Variants in AVL9 observed in about 807,000 individuals in gnomAD.
The protein encoded by AVL9 is late secretory pathway protein AVL9 homolog.
A neutral mutation model predicts 79.2 loss-of-function variants in AVL9; 49 were observed. That is an observed-to-expected ratio of 0.62 (90% CI 0.49 to 0.79). AVL9 has a LOEUF of 0.79. AVL9 is among the 30% of genes least tolerant of loss of function. The pLI is 0.00. For missense variants in AVL9, 682 were observed against 776.8 expected, an observed-to-expected ratio of 0.88 and a Z score of 1.45; for synonymous variants, 299 against 280.6, an observed-to-expected ratio of 1.07 and a Z score of -0.65.
rs146013329 is a variant in AVL9, at chr7:32,574,186, C to T, written c.1570+768C>T. 7.3e-3 allele frequency among the ~76,000 whole-genome samples: 1,116 copies of T among 152,214 alleles called. 16 individuals carry two copies. Among genetic ancestry groups the T allele is most frequent in the African/African-American group, 0.024 (999 of 41,516 alleles). On this transcript the variant is annotated intron_variant, in intron 12 of 15. Transcript: ENST00000318709. ...ACCATCTTTACCATTTTTAAATGTA[C>T]AGTTCCACAGTGGCATTAGATACAT...
chr7:32,572,087 G>C (rs1264550075), intron 11 of AVL9, among the ~76,000 whole-genome samples: 1 of 148,688 alleles, frequency 6.7e-6, no homozygotes, highest in African/African-American at 2.6e-5. Flanking sequence ...GCTTGAACCC[G>C]GGTGGCAGAG....
chr7:32,520,986 G>A (rs1788118256), intron 1 of AVL9, among the ~76,000 whole-genome samples: 1 of 151,846 alleles, frequency 6.6e-6, no homozygotes, highest in Non-Finnish European at 1.5e-5. Context: ...TTTATCAAGG[G>A]TTTCTGCTTT....
intron 1 of AVL9, chr7:32,538,207 T>G (rs1361487869): frequency 6.6e-6 from 1 of 152,234 alleles, no homozygotes; most frequent in Non-Finnish European, 1.5e-5. Context: ...AATGGCAACC[T>G]GTTAACTAAA....
At position 32,514,314 on chromosome 7, in the gene AVL9, GTCTC is replaced by G. The variant is rs1349136966; in HGVS notation, c.93+18514_93+18517del. On this transcript the variant is annotated intron_variant, in intron 1 of 15. Transcript: ENST00000318709. ...CCTGCGGCCTTCCACAGTGCATTGT[GTCTC>G]TGGTTAATAGAGAATGGAGAATGGC... Among the ~76,000 whole-genome samples the G allele has an allele frequency of 3.9e-5, 6 of 152,224 alleles. No homozygotes were observed. In the East Asian group the frequency reaches 1.2e-3, roughly 29 times the overall value.
chr7:32,551,605 C>CTTTTTTTTTTTTTTTTTTT lies in AVL9; in HGVS notation c.462+183_462+201dup, dbSNP rs60271681. Among the ~76,000 whole-genome samples, 3 of 93,778 alleles carry CTTTTTTTTTTTTTTTTTTT rather than the reference C, an allele frequency of 3.2e-5. 1 individual carries two copies. The highest frequency in any genetic ancestry group is 4.4e-5 in the African/African-American group (1 of 22,870). The allele number at this position is 93,778 out of a possible 152,430, so 61.5% of individuals were successfully genotyped here. On this transcript the variant is annotated intron_variant, in intron 5 of 15. Coordinates refer to ENST00000318709, the MANE Select transcript of AVL9 (RefSeq NM_015060.3). ...TGCCCAAATACTAAATTTAACCAAA[C>CTTTTTTTTTTTTTTTTTTT]TTTTTTTTTTTTTTTTTTTAGGAAA...
At chr7:32,572,457 C>T (rs1407224210) in intron 11 of AVL9, among the ~76,000 whole-genome samples, 2 of 150,686 alleles carry the variant, frequency 1.3e-5, no homozygotes, top group Non-Finnish European at 2.9e-5. Context: ...TCAAAACTAA[C>T]CTGTAAGTTA....
intron 1 of AVL9, among the ~76,000 whole-genome samples, chr7:32,541,347 TA>T (rs1789198414): frequency 1.3e-5 from 2 of 152,170 alleles, no homozygotes; most frequent in Non-Finnish European, 2.9e-5. Flanking sequence ...TTTAAATAAA[TA>T]TCTGTACATC....
intron 3 of AVL9, among the ~76,000 whole-genome samples, chr7:32,546,671 A>T (rs1265845518): frequency 6.6e-6 from 1 of 151,932 alleles, no homozygotes; most frequent in African/African-American, 2.4e-5. Context: ...AAATATAAAA[A>T]AATTAGCCAG....
intron 10 of AVL9, chr7:32,562,712 G>C: frequency 1.5e-6 from 1 of 648,344 alleles, no homozygotes; most frequent in Non-Finnish European, 1.9e-6. Context: ...CTTGAAACCA[G>C]GATCTAGAAA....
chr7:32,574,007 A>T (rs1276149658), intron 12 of AVL9, among the ~76,000 whole-genome samples: 3 of 152,212 alleles, frequency 2.0e-5, no homozygotes, highest in African/African-American at 7.2e-5. Flanking sequence ...AAATATATAA[A>T]TAGTGAAAAT....
At chr7:32,545,364 C>CTTTTTTTTTTTTT (rs10610945) in intron 3 of AVL9, among the ~76,000 whole-genome samples, 1 of 73,350 alleles carries the variant, frequency 1.4e-5, no homozygotes. Context: ...TCTAAGATTT[C>CTTTTTTTTTTTTT]TTTTTTTTTT....
intron 1 of AVL9, among the ~76,000 whole-genome samples, chr7:32,506,084 T>A (rs1787400280): frequency 6.6e-6 from 1 of 152,140 alleles, no homozygotes; most frequent in Non-Finnish European, 1.5e-5. Flanking sequence ...ATTTTTCTAA[T>A]TTTTTTCCTG....
chr7:32,514,198 G>C (rs1054658006), intron 1 of AVL9, among the ~76,000 whole-genome samples: 2 of 152,090 alleles, frequency 1.3e-5, no homozygotes, highest in Non-Finnish European at 2.9e-5. Flanking sequence ...CTGAGGGGCT[G>C]TAAGGTCTTT....
chr7:32,544,611 T>G, intron 2 of AVL9, 83 bp from the exon 3 acceptor site: 1 of 891,728 alleles, frequency 1.1e-6, no homozygotes, highest in South Asian at 1.6e-5. Context: ...TGTTAATGAC[T>G]GCATTATGAT....
At chr7:32,548,272 C>T (rs898781834) in intron 3 of AVL9, among the ~76,000 whole-genome samples, 3 of 151,958 alleles carry the variant, frequency 2.0e-5, no homozygotes, top group African/African-American at 7.3e-5. Flanking sequence ...CTCGGCTTTC[C>T]AAGTAGCTGG....
intron 10 of AVL9, among the ~76,000 whole-genome samples, chr7:32,564,623 T>C (rs1790474919): frequency 6.6e-6 from 1 of 152,232 alleles, no homozygotes; most frequent in Non-Finnish European, 1.5e-5. Context: ...CTCTCTCTGG[T>C]ACTTGAACTT....
At chr7:32,546,605 G>A (rs1430866028) in intron 3 of AVL9, among the ~76,000 whole-genome samples, 5 of 152,078 alleles carry the variant, frequency 3.3e-5, no homozygotes, top group African/African-American at 9.7e-5. Flanking sequence ...GGCGGATCAC[G>A]AAGTTAGGAG....
At chr7:32,548,144 C>CTCTTTT (rs1227025763) in intron 3 of AVL9, among the ~76,000 whole-genome samples, 12 of 57,572 alleles carry the variant, frequency 2.1e-4, no homozygotes, top group African/African-American at 4.9e-4. Context: ...TTTGTCATCT[C>CTCTTTT]TTTTTTCTTT....
At chr7:32,558,728 CTTT>C in intron 9 of AVL9, 100 bp downstream of exon 9, 1 of 1,127,208 alleles carries the variant, frequency 8.9e-7, no homozygotes, top group Non-Finnish European at 1.3e-6. Context: ...TAGGGTTATC[CTTT>C]CTATTTTAAT....
Sources: gnomAD v4.1 joint callset for allele counts (sites outside exome capture counted in the v4.1 genomes callset) on GRCh38, gnomAD v4.1.1 for gene constraint, MANE v1.5 for transcripts, NCBI Gene and HGNC (gene_info 2026-07-23, HGNC 2026-07-21) for gene names.